SENP5: variants seen among roughly 807,000 people sequenced by gnomAD.
The protein encoded by SENP5 is sentrin-specific protease 5.
SENP5 carries 21 observed loss-of-function variants against 74.2 expected under a neutral mutation model. The ratio of observed to expected loss-of-function variants is 0.28; its 90% confidence interval spans 0.20 to 0.41. The LOEUF is 0.41. SENP5 is among the 10% of genes least tolerant of loss of function. The pLI is 1.00. For missense variants in SENP5, 717 were observed against 889.1 expected, an observed-to-expected ratio of 0.81 and a Z score of 2.46; for synonymous variants, 311 against 312.7, an observed-to-expected ratio of 0.99 and a Z score of 0.06.
chr3:196,891,208 T>C (rs529251021), intron 2 of SENP5, among the ~76,000 whole-genome samples: 28 of 152,320 alleles, frequency 1.8e-4, no homozygotes, highest in African/African-American at 5.5e-4. Flanking sequence ...TTATAACATA[T>C]GATTTCGTTC....
intron 6 of SENP5, among the ~76,000 whole-genome samples, chr3:196,908,935 A>G (rs1396855546): frequency 2.0e-5 from 3 of 152,204 alleles, no homozygotes; most frequent in Non-Finnish European, 4.4e-5. Context: ...TGAAGGAGAT[A>G]GAAACACAAA....
intron 1 of SENP5, among the ~76,000 whole-genome samples, chr3:196,870,023 A>G (rs1409720325): frequency 1.3e-5 from 2 of 152,172 alleles, no homozygotes; most frequent in Non-Finnish European, 2.9e-5. Context: ...GTTATTAGCC[A>G]GCTTCCTATG....
At chr3:196,872,349 C>G (rs1348465590) in intron 1 of SENP5, among the ~76,000 whole-genome samples, 1 of 152,098 alleles carries the variant, frequency 6.6e-6, no homozygotes, top group East Asian at 1.9e-4. Context: ...TATTCAAGAA[C>G]CTTCAATGGC....
intron 2 of SENP5, among the ~76,000 whole-genome samples, chr3:196,896,736 C>T (rs190857357): frequency 6.9e-4 from 105 of 152,248 alleles, no homozygotes; most frequent in African/African-American, 2.4e-3. Flanking sequence ...CATGAGCCAC[C>T]GCACCTGGCC....
chr3:196,898,679 C>T (rs1001124875), intron 2 of SENP5, among the ~76,000 whole-genome samples: 4 of 151,948 alleles, frequency 2.6e-5, no homozygotes, highest in Non-Finnish European at 5.9e-5. Flanking sequence ...CTTTCTGAGG[C>T]CGAGGCGGGC....
chr3:196,886,372 G>C lies in SENP5; in HGVS notation c.1191G>C (p.Leu397=), dbSNP rs1713975591. The C allele has an allele frequency of 6.2e-7, 1 of 1,612,944 alleles. No homozygotes were observed. The change falls in exon 2 of 10, where the codon CTG becomes CTC. Residue 397 remains leucine (L), a synonymous_variant. Coordinates refer to ENST00000323460, the MANE Select transcript of SENP5 (RefSeq NM_152699.5). ...ISETEREIMT[L]GQENQTSSVS... is the part of the protein sequence containing the mutation. ...AAACTGAAAGAGAAATTATGACTCT[G>C]GGTCAGGAAAATCAGACAAGTTCTG...
In SENP5 at chr3:196,931,934, A is replaced by C; in HGVS notation, c.*1011A>C. ...TGCAGGTGGCTGGAGAGAAGAGGGA[A>C]GGTAATAGAGACAACTTAGTCCCAT... On this transcript the variant is annotated 3_prime_UTR_variant, in exon 10 of 10. Transcript: ENST00000323460. 2.2e-6 allele frequency: 1 copy of C among 454,896 alleles called. No individual in the cohort carries two copies. Among genetic ancestry groups the C allele is most frequent in the South Asian group, 1.6e-5 (1 of 64,252 alleles). The allele number at this position is 454,896 out of a possible 1,614,324, so 28.2% of individuals were successfully genotyped here. A position where few individuals can be genotyped will look rare whatever the true frequency, so the allele number is the denominator to read the frequency against.
At chr3:196,912,943 A>G (rs9866045) in intron 6 of SENP5, 10 of 152,358 alleles carry the variant, frequency 6.6e-5, no homozygotes, top group Non-Finnish European at 8.8e-5. Context: ...AGAAAGGAAT[A>G]TTAATCATAT....
chr3:196,877,383 C>G (rs1340210927), intron 1 of SENP5, among the ~76,000 whole-genome samples: 4 of 152,060 alleles, frequency 2.6e-5, no homozygotes, highest in Non-Finnish European at 5.9e-5. Context: ...CAGGGTTTCA[C>G]CATGTTGGCC....
chr3:196,899,137 C>T lies in SENP5; in HGVS notation c.1514-529C>T, dbSNP rs146948390. 3.5e-3 allele frequency among the ~76,000 whole-genome samples: 533 copies of T among 151,286 alleles called. 6 individuals are homozygous for T. Among genetic ancestry groups the T allele is most frequent in the African/African-American group, 0.012 (496 of 41,178 alleles). On this transcript the variant is annotated intron_variant, in intron 2 of 9. Coordinates refer to ENST00000323460, the MANE Select transcript of SENP5 (RefSeq NM_152699.5). ...TTATCCAGTTGAGCTCACCTCACAG[C>T]GTTATTTGGTGTCATGAGTATAATA...
chr3:196,903,464 C>T, intron 5 of SENP5, 69 bp from the exon 6 acceptor site: 1 of 955,254 alleles, frequency 1.0e-6, no homozygotes, highest in South Asian at 1.6e-5. Context: ...TTTAAAATTT[C>T]CTCTTTTGAA....
At chr3:196,888,709 A>G (rs1714082526) in intron 2 of SENP5, among the ~76,000 whole-genome samples, 1 of 152,184 alleles carries the variant, frequency 6.6e-6, no homozygotes, top group Non-Finnish European at 1.5e-5. Flanking sequence ...ATGCATTTGT[A>G]TAGGACATCT....
At chr3:196,924,062 C>G (rs1417596496) in intron 7 of SENP5, among the ~76,000 whole-genome samples, 1 of 152,032 alleles carries the variant, frequency 6.6e-6, no homozygotes, top group African/African-American at 2.4e-5. Flanking sequence ...CATAAATAAC[C>G]CAGGAATATG....
chr3:196,923,014 A>G (rs972039244), intron 6 of SENP5, among the ~76,000 whole-genome samples: 2 of 152,074 alleles, frequency 1.3e-5, no homozygotes, highest in Non-Finnish European at 2.9e-5. Context: ...CAGCCTCCCA[A>G]TGTACTGGGA....
At chr3:196,911,631 C>T (rs954979559) in intron 6 of SENP5, among the ~76,000 whole-genome samples, 1 of 151,504 alleles carries the variant, frequency 6.6e-6, no homozygotes, top group Middle Eastern at 3.4e-3. Flanking sequence ...CGCGGTGGCT[C>T]ACGCCTGTAA....
chr3:196,905,315 C>A (rs542189358), intron 6 of SENP5: 2 of 152,340 alleles, frequency 1.3e-5, no homozygotes, highest in South Asian at 4.1e-4. Context: ...AGCAAGCAAG[C>A]AAGCAGTTCT....
chr3:196,914,637 G>T (rs567390906), intron 6 of SENP5: 2 of 130,310 alleles, frequency 1.5e-5, no homozygotes, highest in East Asian at 2.1e-4. Flanking sequence ...ACATATGTGT[G>T]TGGGGAGGGG....
rs541608431 is a variant in SENP5 at position 196,931,551 on chromosome 3, G to C, written c.*628G>C. 5 of 232,330 alleles carry C rather than the reference G, an allele frequency of 2.2e-5. No homozygotes were observed. The highest frequency in any genetic ancestry group is 2.0e-4 in the South Asian group (4 of 20,434). The allele number at this position is 232,330 out of a possible 1,614,324, so 14.4% of individuals were successfully genotyped here. A position where few individuals can be genotyped will look rare whatever the true frequency, so the allele number is the denominator to read the frequency against. ...TGGAGGCACACTTGTAAGCACAGTG[G>C]CTGCTTTGGGAGGAGTAAGGTGTGA... is the stretch of plus-strand genomic sequence containing the variant. On this transcript the variant is annotated 3_prime_UTR_variant, in exon 10 of 10. Transcript: ENST00000323460.
At position 196,925,166 on chromosome 3, in the gene SENP5, C is replaced by T. The variant is rs80161396; in HGVS notation, c.2022+1615C>T. Among the ~76,000 whole-genome samples the T allele has an allele frequency of 4.8e-3, 584 of 122,930 alleles. 1 individual carries two copies. Among genetic ancestry groups the T allele is most frequent in the East Asian group, 0.022 (111 of 4,990 alleles). The allele number at this position is 122,930 out of a possible 152,430, so 80.6% of individuals were successfully genotyped here. A position where few individuals can be genotyped will look rare whatever the true frequency, so the allele number is the denominator to read the frequency against. On this transcript the variant is annotated intron_variant, in intron 7 of 9. Transcript: ENST00000323460. ...TTAAAGAGGATTTGGCCTCATTTTG[C>T]GTTTTTTTTTTTACAAGGAGAATAT... is the stretch of plus-strand genomic sequence containing the variant.
Sources: allele counts gnomAD v4.1 joint callset (sites outside exome capture counted in the v4.1 genomes callset), GRCh38; gene constraint gnomAD v4.1.1; transcripts MANE v1.5; gene names NCBI Gene and HGNC (gene_info 2026-07-23, HGNC 2026-07-21).